RGS7: variants seen among roughly 807,000 people sequenced by gnomAD.
RGS7 encodes regulator of G-protein signaling 7.
Under a neutral mutation model 81.1 loss-of-function variants are expected in RGS7, and 27 were observed. The ratio of observed to expected loss-of-function variants is 0.33; its 90% CI spans 0.25 to 0.46. RGS7 has a LOEUF of 0.46. Among genes scored for constraint, RGS7 ranks in the 20% least tolerant of loss-of-function variants. The probability of loss-of-function intolerance (pLI) is 1.00; values close to 1 mark genes in which losing one functional copy is unlikely to be tolerated. For synonymous variants in RGS7, 208 were observed against 207.7 expected (o/e 1.00, Z -0.01); for missense variants, 396 against 607.4 (o/e 0.65, Z 3.66).
At position 240,800,787 on chromosome 1, in the gene RGS7, A is replaced by T. The variant is rs1383803076; in HGVS notation, c.1414-66T>A. The T allele has an allele frequency of 5.7e-6, 5 of 877,596 alleles. No individual in the cohort carries two copies. In the East Asian group the frequency reaches 1.4e-4, roughly 24 times the overall value. 54.4% of individuals were successfully genotyped at this position (877,596 alleles called of 1,614,324 possible). ...CACAATGTCAGAAAGTTCCAAAGGC[A>T]CTGGCACAATACAAAAAAAAGAATC... On this transcript the variant is annotated intron_variant, in intron 17 of 18. Transcript: ENST00000440928.
chr1:240,775,901 G>GT lies in RGS7; in HGVS notation c.*318dup. On this transcript the variant is annotated 3_prime_UTR_variant, in exon 19 of 19. Coordinates refer to ENST00000440928, the MANE Select transcript of RGS7 (RefSeq NM_001364886.1). ...AGAGAAAGAAGGAAAAAAAGAAAAG[G>GT]TTTTACTTCACTTGAACTTGTTAAA... The GT allele has an allele frequency of 2.2e-6, 1 of 455,436 alleles. No individual in the cohort carries two copies. The allele number at this position is 455,436 out of a possible 1,614,324, so 28.2% of individuals were successfully genotyped here. A position where few individuals can be genotyped will look rare whatever the true frequency, so the allele number is the denominator to read the frequency against.
chr1:240,849,641 CGA>C (rs1255052920), intron 9 of RGS7, among the ~76,000 whole-genome samples: 1 of 152,036 alleles, frequency 6.6e-6, no homozygotes, highest in Non-Finnish European at 1.5e-5. Flanking sequence ...AGTAAGTTCC[CGA>C]GAGATCTGGT....
intron 4 of RGS7, among the ~76,000 whole-genome samples, chr1:240,971,826 TCTC>T (rs1335143347): frequency 6.6e-6 from 1 of 152,196 alleles, no homozygotes; most frequent in African/African-American, 2.4e-5. Flanking sequence ...TTTTTATTGA[TCTC>T]CTATGGACAT....
chr1:241,217,234 T>C (rs753811866), intron 2 of RGS7, among the ~76,000 whole-genome samples: 1 of 152,114 alleles, frequency 6.6e-6, no homozygotes, highest in Non-Finnish European at 1.5e-5. Context: ...GAGGATATAG[T>C]GAGCAGGCCA....
In RGS7 at chr1:241,075,352, A is replaced by G. The variant is rs111391417; in HGVS notation, c.175+23314T>C. On this transcript the variant is annotated intron_variant, in intron 3 of 18. Coordinates refer to ENST00000440928, the MANE Select transcript of RGS7 (RefSeq NM_001364886.1). ...TCGAGCAACAAAAACTTGAAAACCA[A>G]AAGATTTTATACTTGGGAATTAACC... Among the ~76,000 whole-genome samples the G allele has an allele frequency of 2.8e-3, 423 of 152,332 alleles. 1 individual carries two copies. The highest frequency in any genetic ancestry group is 9.7e-3 in the African/African-American group (403 of 41,586).
chr1:240,973,375 G>T (rs929484894), intron 4 of RGS7, among the ~76,000 whole-genome samples: 1 of 151,466 alleles, frequency 6.6e-6, no homozygotes, highest in Admixed American at 6.6e-5. Context: ...AAAAATTAGC[G>T]GGGCGTGGTG....
At chr1:241,044,427 T>C (rs1425508444) in intron 3 of RGS7, among the ~76,000 whole-genome samples, 1 of 151,898 alleles carries the variant, frequency 6.6e-6, no homozygotes, top group East Asian at 1.9e-4. Flanking sequence ...CATTCGTTTG[T>C]TTGTTTGGTT....
chr1:241,191,058 T>C (rs2072612663), intron 2 of RGS7, among the ~76,000 whole-genome samples: 1 of 152,090 alleles, frequency 6.6e-6, no homozygotes, highest in African/African-American at 2.4e-5. Context: ...CTTGGCTCAC[T>C]GCAACCTCCG....
chr1:241,271,930 T>C lies in RGS7; in HGVS notation c.78+83769A>G, dbSNP rs1442184260. ...GTGTGTGTGTGTGTGTGTGTGTGTG[T>C]GTAGACACACTATTGGTTCTGTTTC... On this transcript the variant is annotated intron_variant, in intron 2 of 18. Coordinates refer to ENST00000440928, the MANE Select transcript of RGS7 (RefSeq NM_001364886.1). The surrounding 1 kb of genome is among the most constrained non-coding windows in gnomAD (Gnocchi z 4.6). Among the ~76,000 whole-genome samples, 2 of 139,248 alleles carry C rather than the reference T, an allele frequency of 1.4e-5. No homozygotes were observed. The highest frequency in any genetic ancestry group is 5.4e-5 in the African/African-American group (2 of 37,062). The allele number at this position is 139,248 out of a possible 152,430, so 91.4% of individuals were successfully genotyped here.
At chr1:241,008,861 G>A (rs2058811267) in intron 3 of RGS7, among the ~76,000 whole-genome samples, 1 of 137,920 alleles carries the variant, frequency 7.3e-6, no homozygotes, top group African/African-American at 2.7e-5. Context: ...ACAGTGAGCC[G>A]AGATTGTACC....
At chr1:240,995,704 TTTTC>T (rs1687170172) in intron 3 of RGS7, among the ~76,000 whole-genome samples, 1 of 91,044 alleles carries the variant, frequency 1.1e-5, no homozygotes. Flanking sequence ...AATTTGTGTC[TTTTC>T]TTTTTTTTTT....
intron 2 of RGS7, among the ~76,000 whole-genome samples, chr1:241,323,266 AAT>A (rs2081308740): frequency 6.6e-6 from 1 of 152,220 alleles, no homozygotes; most frequent in Non-Finnish European, 1.5e-5. Flanking sequence ...AATAATATGC[AAT>A]GTTTTAAATA....
chr1:240,839,231 T>A lies in RGS7; in HGVS notation c.610-12059A>T, dbSNP rs575311549. Reference sequence around the variant, plus strand: ...GCATCCTTGACTCCAGCGCATCTCATTATTCTCTAATTCGTTGCTTGGTTC... The same window carrying A: ...GCATCCTTGACTCCAGCGCATCTCAATATTCTCTAATTCGTTGCTTGGTTC... On this transcript the variant is annotated intron_variant, in intron 9 of 18. Transcript: ENST00000440928. Among the ~76,000 whole-genome samples the A allele has an allele frequency of 4.7e-3, 710 of 152,322 alleles. 5 individuals are homozygous for A. The highest frequency in any genetic ancestry group is 0.017 in the African/African-American group (687 of 41,572).
chr1:241,267,033 A>C (rs1394489186), intron 2 of RGS7, among the ~76,000 whole-genome samples: 1 of 152,184 alleles, frequency 6.6e-6, no homozygotes, highest in Non-Finnish European at 1.5e-5. Context: ...AAATCCGGAA[A>C]TCATTCAGAT....
At chr1:241,092,372 C>T (rs764056966) in intron 3 of RGS7, among the ~76,000 whole-genome samples, 2 of 152,076 alleles carry the variant, frequency 1.3e-5, no homozygotes, top group Non-Finnish European at 2.9e-5. Context: ...GTTTTAAGTA[C>T]AAAGGATTTT....
chr1:240,949,874 G>C (rs12072679), intron 4 of RGS7, among the ~76,000 whole-genome samples: 1 of 139,368 alleles, frequency 7.2e-6, no homozygotes, highest in African/African-American at 2.7e-5. Context: ...AAAAGCCAAC[G>C]ATGACTTCTG....
chr1:241,235,996 C>A (rs1227188117), intron 2 of RGS7, among the ~76,000 whole-genome samples: 2 of 150,448 alleles, frequency 1.3e-5, no homozygotes, highest in Admixed American at 1.3e-4. Context: ...TCCTGGCTTC[C>A]TCTCATTTTC....
At chr1:240,867,959 C>G (rs1206991915) in intron 9 of RGS7, among the ~76,000 whole-genome samples, 2 of 149,630 alleles carry the variant, frequency 1.3e-5, no homozygotes, top group African/African-American at 4.9e-5. Context: ...CAAGATCATG[C>G]CACTGTACTC....
chr1:240,878,296 C>T (rs974822447), intron 6 of RGS7, among the ~76,000 whole-genome samples: 2 of 152,124 alleles, frequency 1.3e-5, no homozygotes, highest in Non-Finnish European at 2.9e-5. Context: ...TATTCTTCTT[C>T]CCTCCACCGA....
Sources: allele counts gnomAD v4.1 joint callset (sites outside exome capture counted in the v4.1 genomes callset), GRCh38; gene constraint gnomAD v4.1.1; non-coding constraint Gnocchi (gnomAD v3.1); transcripts MANE v1.5; gene names NCBI Gene and HGNC (gene_info 2026-07-23, HGNC 2026-07-21).